Variants in NBEA observed in about 807,000 individuals in gnomAD.
NBEA encodes neurobeachin.
Under a neutral mutation model 343.4 loss-of-function variants are expected in NBEA, and 44 were observed. The ratio of observed to expected loss-of-function variants is 0.13; its 90% CI spans 0.10 to 0.16. The LOEUF (loss-of-function observed/expected upper bound fraction) is 0.16. Among genes scored for constraint, NBEA ranks in the 10% least tolerant of loss-of-function variants. The probability of loss-of-function intolerance (pLI) is 1.00; values close to 1 mark genes in which losing one functional copy is unlikely to be tolerated. For synonymous variants in NBEA, 1,175 were observed against 1,238.7 expected (o/e 0.95, Z 1.08); for missense variants, 2,555 against 3,631.3 (o/e 0.70, Z 7.62).
At chr13:35,169,084 G>T in intron 25 of NBEA, 89 bp downstream of exon 25, 1 of 986,686 alleles carries the variant, frequency 1.0e-6, no homozygotes, top group South Asian at 1.8e-5. Context: ...GTTATATTTT[G>T]AGTTTTCATA....
intron 16 of NBEA, among the ~76,000 whole-genome samples, chr13:35,121,787 T>C (rs1359591904): frequency 1.3e-5 from 2 of 152,206 alleles, no homozygotes; most frequent in Non-Finnish European, 2.9e-5. Context: ...AAGCTATTTG[T>C]TCCCCTTTGT....
intron 41 of NBEA, among the ~76,000 whole-genome samples, chr13:35,504,827 T>C (rs933884579): frequency 5.3e-5 from 8 of 152,066 alleles, no homozygotes; most frequent in South Asian, 2.1e-4. Flanking sequence ...CAGGCTAGTC[T>C]CGAACTCCTG....
intron 34 of NBEA, among the ~76,000 whole-genome samples, chr13:35,258,843 A>G (rs967972289): frequency 6.6e-6 from 1 of 152,216 alleles, no homozygotes; most frequent in Non-Finnish European, 1.5e-5. Flanking sequence ...GTACTTCAGT[A>G]CAGCATTCAA....
intron 34 of NBEA, among the ~76,000 whole-genome samples, chr13:35,250,873 C>T (rs2031869302): frequency 6.6e-6 from 1 of 152,128 alleles, no homozygotes; most frequent in African/African-American, 2.4e-5. Context: ...GATAAGGATA[C>T]TGTATCTTCT....
At chr13:35,550,879 C>A in intron 42 of NBEA, 51 bp from the exon 43 acceptor site, 1 of 1,139,288 alleles carries the variant, frequency 8.8e-7, no homozygotes, top group Non-Finnish European at 1.3e-6. Flanking sequence ...AAATTGATGG[C>A]TAACTTATCC....
chr13:35,000,454 C>T (rs146985094), intron 1 of NBEA, among the ~76,000 whole-genome samples: 8 of 152,058 alleles, frequency 5.3e-5, no homozygotes, highest in African/African-American at 1.9e-4. Context: ...TACATGTAAA[C>T]TGCTATAATA....
rs764556537 is a variant in NBEA, at chr13:35,159,410, C to G, written c.3239C>G (p.Thr1080Ser). Residue 1080 changes from threonine (T) to serine (S), a missense_variant, in exon 22 of 59, where the codon ACT becomes AGT. Thr to Ser is a moderately conservative substitution (Grantham distance 58). Coordinates refer to ENST00000379939, the MANE Select transcript of NBEA (RefSeq NM_001385012.1). ...KLDDMDLSPE[T>S]LVGGENGALV... is the part of the protein sequence containing the mutation. ...GATGATATGGATTTATCACCGGAGA[C>G]TTTAGTAGGTGGAGAGAATGGTGCC... The G allele has an allele frequency of 2.7e-5, 43 of 1,613,252 alleles. No homozygotes were observed. The South Asian group carries it at 4.3e-4, about 16-fold the overall frequency.
At chr13:35,294,457 TAAG>T (rs1255417389) in intron 35 of NBEA, among the ~76,000 whole-genome samples, 1 of 152,078 alleles carries the variant, frequency 6.6e-6, no homozygotes, top group African/African-American at 2.4e-5. Context: ...GTGTGTATAG[TAAG>T]AAGATTTCAA....
At chr13:35,471,020 C>T (rs904125950) in intron 40 of NBEA, among the ~76,000 whole-genome samples, 4 of 152,154 alleles carry the variant, frequency 2.6e-5, no homozygotes, top group Non-Finnish European at 5.9e-5. Flanking sequence ...GCCCCGGGGG[C>T]TCATCGGGGG....
chr13:35,246,667 G>A (rs1335589343), intron 34 of NBEA, among the ~76,000 whole-genome samples: 2 of 152,286 alleles, frequency 1.3e-5, no homozygotes, highest in East Asian at 3.9e-4. Flanking sequence ...GTGGATACCA[G>A]CACCTGCTCC....
chr13:35,007,494 T>C (rs1206752132), intron 1 of NBEA, among the ~76,000 whole-genome samples: 4 of 152,176 alleles, frequency 2.6e-5, no homozygotes, highest in Non-Finnish European at 2.9e-5. Context: ...TCAATCTTTT[T>C]TTGTTTGTTA....
chr13:35,585,243 GT>G, intron 46 of NBEA, among the ~76,000 whole-genome samples: 1 of 150,878 alleles, frequency 6.6e-6, no homozygotes, highest in East Asian at 2.0e-4. Context: ...GCAGTGCACT[GT>G]GGTACCTGTT....
intron 48 of NBEA, among the ~76,000 whole-genome samples, chr13:35,618,857 G>A (rs768326544): frequency 1.3e-5 from 2 of 152,000 alleles, no homozygotes; most frequent in Non-Finnish European, 2.9e-5. Context: ...TTTCACGGAT[G>A]TGCATTGATA....
intron 1 of NBEA, among the ~76,000 whole-genome samples, chr13:35,031,863 T>C (rs1273189017): frequency 6.6e-6 from 1 of 151,718 alleles, no homozygotes; most frequent in Admixed American, 6.6e-5. Flanking sequence ...TAAGTTTTCA[T>C]TATTTAGCTC....
At chr13:35,304,654 T>C (rs554869231) in intron 35 of NBEA, among the ~76,000 whole-genome samples, 1 of 152,300 alleles carries the variant, frequency 6.6e-6, no homozygotes, top group South Asian at 2.1e-4. Context: ...TGTTTCCTTT[T>C]TGACAGTCTG....
At chr13:35,257,080 T>A (rs1439266910) in intron 34 of NBEA, among the ~76,000 whole-genome samples, 3 of 152,224 alleles carry the variant, frequency 2.0e-5, no homozygotes, top group African/African-American at 7.2e-5. Flanking sequence ...GATGGGCCAC[T>A]GCTGCCATCA....
Position 35,155,867 on chromosome 13 carries a change from G to A in NBEA, c.2527+12G>A, listed in dbSNP as rs2152708021. The A allele has an allele frequency of 6.2e-7, 1 of 1,603,610 alleles. No individual in the cohort carries two copies. The highest frequency in any genetic ancestry group is 1.1e-5 in the South Asian group (1 of 90,836). On this transcript the variant is annotated intron_variant, in intron 19 of 58. Transcript: ENST00000379939. Reference sequence around the variant, plus strand: ...AATTCAGAATCCAAGTGAGCAAATGGCAGTTCTTTACTGTATTGTGGTAGG... The same window carrying A: ...AATTCAGAATCCAAGTGAGCAAATGACAGTTCTTTACTGTATTGTGGTAGG...
At chr13:35,109,190 G>T in intron 11 of NBEA, 100 bp from the exon 12 acceptor site, 1 of 985,450 alleles carries the variant, frequency 1.0e-6, no homozygotes, top group Non-Finnish European at 1.4e-6. Context: ...ATTTATTAGG[G>T]ATAGCATATG....
At chr13:35,208,580 T>C (rs952745778) in intron 31 of NBEA, 120 bp from the exon 32 acceptor site, 1 of 855,170 alleles carries the variant, frequency 1.2e-6, no homozygotes, top group Non-Finnish European at 1.7e-6. Flanking sequence ...TTTAAAATTT[T>C]TTTTTAATTA....
Sources: allele counts gnomAD v4.1 joint callset (sites outside exome capture counted in the v4.1 genomes callset), GRCh38; gene constraint gnomAD v4.1.1; transcripts MANE v1.5; gene names NCBI Gene and HGNC (gene_info 2026-07-23, HGNC 2026-07-21).